COLEC12: variants seen among roughly 807,000 people sequenced by gnomAD.
The protein encoded by COLEC12 is collectin-12.
A neutral mutation model predicts 71.1 loss-of-function variants in COLEC12; 33 were observed. The ratio of observed to expected loss-of-function variants is 0.46; its 90% confidence interval spans 0.35 to 0.62. The LOEUF (loss-of-function observed/expected upper bound fraction) is 0.62. COLEC12 is among the 20% of genes least tolerant of loss of function. COLEC12 has a pLI of 0.00. For synonymous variants in COLEC12, 350 were observed against 353.0 expected (o/e 0.99, Z 0.10); for missense variants, 765 against 916.1 (o/e 0.84, Z 2.13).
chr18:444,767 G>A (rs757059961), intron 2 of COLEC12, among the ~76,000 whole-genome samples: 15 of 152,160 alleles, frequency 9.9e-5, no homozygotes, highest in African/African-American at 2.2e-4. Flanking sequence ...TGGGATTGAC[G>A]TGATATTTCC....
At chr18:437,977 G>A (rs72863586) in intron 2 of COLEC12, among the ~76,000 whole-genome samples, 2,713 of 152,222 alleles carry the variant, frequency 0.018, 47 homozygotes, top group Non-Finnish European at 0.022. Flanking sequence ...AAATTTATAG[G>A]CTACATACAT....
At chr18:442,711 C>T (rs981576093) in intron 2 of COLEC12, among the ~76,000 whole-genome samples, 9 of 152,236 alleles carry the variant, frequency 5.9e-5, no homozygotes, top group Non-Finnish European at 1.0e-4. Flanking sequence ...CCTGTAATCC[C>T]AGTACTTTGG....
intron 2 of COLEC12, among the ~76,000 whole-genome samples, chr18:442,567 T>A (rs1567909359): frequency 6.6e-6 from 1 of 152,236 alleles, no homozygotes; most frequent in Non-Finnish European, 1.5e-5. Flanking sequence ...CCCTTGCCTA[T>A]GAAACTCTCA....
rs376922231 is a variant in COLEC12, at chr18:480,756, G to A, written c.9C>T (p.Asp3=). The change falls in exon 2 of 10, where the codon GAC becomes GAT. Residue 3 remains aspartate, a splice_region_variant and synonymous_variant. Coordinates refer to ENST00000400256, the MANE Select transcript of COLEC12 (RefSeq NM_130386.3). This position sits in a 1 kb window ranked among gnomAD's most constrained non-coding sequence, Gnocchi z 4.1. The stretch of plus-strand genomic sequence containing the variant: ...GCACCTCCTCCTCCTCTGCGAAGTC[G>A]TCTGTGAGAGAAGAAGAGACACGAT... The part of the protein sequence containing the change: MK[D]DFAEEEEVQS... 4.9e-5 allele frequency: 79 copies of A among 1,613,836 alleles called. No individual in the cohort carries two copies. The highest frequency in any genetic ancestry group is 1.6e-4 in the Middle Eastern group (1 of 6,084).
intron 8 of COLEC12, among the ~76,000 whole-genome samples, chr18:325,117 T>C (rs1420271874): frequency 6.6e-6 from 1 of 152,164 alleles, no homozygotes; most frequent in Non-Finnish European, 1.5e-5. Context: ...CACTTGAGCC[T>C]CGGAGGTTGA....
intron 2 of COLEC12, among the ~76,000 whole-genome samples, chr18:457,493 A>C (rs1199144981): frequency 2.0e-5 from 3 of 152,214 alleles, no homozygotes; most frequent in Admixed American, 1.3e-4. Flanking sequence ...GTATTGAAGC[A>C]AAGCACACAT....
chr18:419,965 G>C (rs74535858), intron 2 of COLEC12, among the ~76,000 whole-genome samples: 18,632 of 152,230 alleles, frequency 0.12, 1,530 homozygotes, highest in Middle Eastern at 0.19. Flanking sequence ...CAAGATGTCT[G>C]ACTGCCCTGA....
At chr18:395,816 A>T (rs1171722703) in intron 2 of COLEC12, among the ~76,000 whole-genome samples, 2 of 152,174 alleles carry the variant, frequency 1.3e-5, no homozygotes, top group Non-Finnish European at 2.9e-5. Context: ...GAAGATGCCA[A>T]TCCCCAATTC....
intron 2 of COLEC12, among the ~76,000 whole-genome samples, chr18:463,309 A>C (rs561527280): frequency 6.6e-5 from 10 of 152,302 alleles, no homozygotes; most frequent in Admixed American, 2.0e-4. Flanking sequence ...AAATGTCTCC[A>C]TTATTATACT....
intron 9 of COLEC12, among the ~76,000 whole-genome samples, chr18:321,404 G>A (rs915594323): frequency 2.0e-5 from 3 of 152,182 alleles, no homozygotes; most frequent in African/African-American, 7.2e-5. Flanking sequence ...TACTTATGTG[G>A]GTCAGTTAGT....
At position 470,360 on chromosome 18, in the gene COLEC12, C is replaced by A. The variant is rs553073058; in HGVS notation, c.58+10347G>T. ...AATTCTCCTGCCTCAGCCTCCCAAG[C>A]AGCTGGGATGACAGGGGCCCACCAC... On this transcript the variant is annotated intron_variant, in intron 2 of 9. Coordinates refer to ENST00000400256, the MANE Select transcript of COLEC12 (RefSeq NM_130386.3). Among the ~76,000 whole-genome samples, 5 of 150,832 alleles carry A rather than the reference C, an allele frequency of 3.3e-5. No individual in the cohort carries two copies. The East Asian group carries it at 5.9e-4, about 18-fold the overall frequency.
At chr18:338,984 ATTTT>A (rs33991062) in intron 5 of COLEC12, among the ~76,000 whole-genome samples, 1 of 144,566 alleles carries the variant, frequency 6.9e-6, no homozygotes, top group Non-Finnish European at 1.5e-5. Flanking sequence ...TATTGTCTTA[ATTTT>A]TTTTTTTTTT....
chr18:327,565 G>A lies in COLEC12; in HGVS notation c.2063+4103C>T, dbSNP rs1913874143. Among the ~76,000 whole-genome samples, 2 of 152,188 alleles carry A rather than the reference G, an allele frequency of 1.3e-5. No homozygotes were observed. Among genetic ancestry groups the A allele is most frequent in the Admixed American group, 1.3e-4 (2 of 15,282 alleles). On this transcript the variant is annotated intron_variant, in intron 8 of 9. Coordinates refer to ENST00000400256, the MANE Select transcript of COLEC12 (RefSeq NM_130386.3). This position sits in a 1 kb window ranked among gnomAD's most constrained non-coding sequence, Gnocchi z 4.0. ...AATCTGTGTGTCCCCTAAGCCTTTG[G>A]CTTCTGTTCCATGTCACTATTGCCT...
chr18:443,052 A>G (rs2846637), intron 2 of COLEC12, among the ~76,000 whole-genome samples: 45,755 of 152,212 alleles, frequency 0.3, 7,706 homozygotes, highest in South Asian at 0.5. Flanking sequence ...TCTTTTCACT[A>G]ATGTGTCAAG....
intron 2 of COLEC12, among the ~76,000 whole-genome samples, chr18:403,332 G>GA (rs2143619156): frequency 6.6e-6 from 1 of 152,258 alleles, no homozygotes; most frequent in African/African-American, 2.4e-5. Flanking sequence ...AAGAAAGAAA[G>GA]AAAACCCTTG....
At chr18:459,661 G>A (rs1240423827) in intron 2 of COLEC12, among the ~76,000 whole-genome samples, 1 of 152,220 alleles carries the variant, frequency 6.6e-6, no homozygotes, top group Non-Finnish European at 1.5e-5. Flanking sequence ...CGCAATGCCT[G>A]TGTCTAACCC....
rs1915755010 is a variant in COLEC12, at chr18:404,851, A to G, written c.59-47329T>C. Among the ~76,000 whole-genome samples the G allele has an allele frequency of 2.6e-5, 4 of 152,346 alleles. No homozygotes were observed. In the South Asian group the frequency reaches 6.2e-4, roughly 24 times the overall value. ...AACAGCGATTTTTAGGGAACAAGGC[A>G]AGACAACCATAAGGTCTGACTGCCT... On this transcript the variant is annotated intron_variant, in intron 2 of 9. Transcript: ENST00000400256.
intron 5 of COLEC12, among the ~76,000 whole-genome samples, chr18:335,926 C>T (rs1914109779): frequency 6.6e-6 from 1 of 152,198 alleles, no homozygotes; most frequent in African/African-American, 2.4e-5. Flanking sequence ...CATGATTAAA[C>T]TGGGTTCTCT....
chr18:485,468 C>G (rs1422486000), intron 1 of COLEC12, among the ~76,000 whole-genome samples: 1 of 152,212 alleles, frequency 6.6e-6, no homozygotes, highest in African/African-American at 2.4e-5. Context: ...TTTATTCTGT[C>G]TTAAGCTCAT....
Sources: gnomAD v4.1 joint callset for allele counts (sites outside exome capture counted in the v4.1 genomes callset) on GRCh38, gnomAD v4.1.1 for gene constraint, Gnocchi (gnomAD v3.1) non-coding constraint, MANE v1.5 for transcripts, NCBI Gene and HGNC (gene_info 2026-07-23, HGNC 2026-07-21) for gene names.